The following DIAPH3 variants were observed in gnomAD, a reference collection of about 807,000 sequenced individuals.
DIAPH3 encodes protein diaphanous homolog 3.
A neutral mutation model predicts 144.3 loss-of-function variants in DIAPH3; 117 were observed. That is an observed-to-expected ratio of 0.81 (90% CI 0.70 to 0.95). The LOEUF (loss-of-function observed/expected upper bound fraction) is 0.95. Among genes scored for constraint, DIAPH3 ranks in the 40% least tolerant of loss-of-function variants. The pLI, the probability that DIAPH3 is intolerant of heterozygous loss-of-function variation, is 0.00. For synonymous variants in DIAPH3, 519 were observed against 488.9 expected (o/e 1.06, Z -0.81); for missense variants, 1,421 against 1,412.7 (o/e 1.01, Z -0.09).
intron 25 of DIAPH3, among the ~76,000 whole-genome samples, chr13:59,775,774 C>T (rs2038382635): frequency 6.6e-6 from 1 of 152,050 alleles, no homozygotes; most frequent in African/African-American, 2.4e-5. Flanking sequence ...AAAAGAGGCT[C>T]TCTGAAATCA....
intron 2 of DIAPH3, among the ~76,000 whole-genome samples, chr13:60,130,413 A>C (rs1408703321): frequency 2.0e-5 from 3 of 152,198 alleles, no homozygotes; most frequent in African/African-American, 7.2e-5. Flanking sequence ...AGTCCATGTG[A>C]AGAGGGTCAA....
chr13:59,949,415 T>C (rs1001602101), intron 17 of DIAPH3, among the ~76,000 whole-genome samples: 7 of 152,200 alleles, frequency 4.6e-5, no homozygotes, highest in Non-Finnish European at 7.3e-5. Context: ...GTCCTACTTG[T>C]GATTGGTGCT....
intron 5 of DIAPH3, among the ~76,000 whole-genome samples, chr13:60,029,252 T>C (rs2054610849): frequency 6.6e-6 from 1 of 152,048 alleles, no homozygotes; most frequent in Non-Finnish European, 1.5e-5. Context: ...ACCTCCAATT[T>C]ATCTGCAACA....
At chr13:59,877,030 C>T (rs2044674607) in intron 21 of DIAPH3, among the ~76,000 whole-genome samples, 1 of 152,116 alleles carries the variant, frequency 6.6e-6, no homozygotes, top group Non-Finnish European at 1.5e-5. Context: ...CTACCTCAAA[C>T]CCTTCTGCCG....
chr13:60,008,661 T>C lies in DIAPH3; in HGVS notation c.909-12A>G. On this transcript the variant is annotated splice_polypyrimidine_tract_variant and intron_variant, in intron 8 of 27. Transcript: ENST00000400324. ...AAACTTCTTCAAGGCTATTGGAAAA[T>C]TTGAGTCAATTAAATTGCAAGTAGC... is the stretch of plus-strand genomic sequence containing the variant. 2 of 1,559,046 alleles carry C rather than the reference T, an allele frequency of 1.3e-6. No homozygotes were observed. Among genetic ancestry groups the C allele is most frequent in the South Asian group, 1.1e-5 (1 of 89,856 alleles).
chr13:59,940,282 T>C (rs1470830107), intron 17 of DIAPH3, among the ~76,000 whole-genome samples: 1 of 152,184 alleles, frequency 6.6e-6, no homozygotes, highest in South Asian at 2.1e-4. Flanking sequence ...CAGAGAAGAA[T>C]TAACATCTTA....
chr13:59,910,581 T>C (rs796963566), intron 20 of DIAPH3, among the ~76,000 whole-genome samples: 82 of 151,524 alleles, frequency 5.4e-4, no homozygotes, highest in African/African-American at 1.9e-3. Flanking sequence ...TACAAAAAAA[T>C]AGCTGAGTGT....
At chr13:59,739,302 T>C (rs2036319213) in intron 27 of DIAPH3, among the ~76,000 whole-genome samples, 1 of 152,210 alleles carries the variant, frequency 6.6e-6, no homozygotes, top group South Asian at 2.1e-4. Flanking sequence ...ACTGAACTGT[T>C]GGAGGCTGCA....
intron 27 of DIAPH3, among the ~76,000 whole-genome samples, chr13:59,763,292 ATATGTATATACATGTGTATATATG>A (rs1357685051): frequency 1.5e-5 from 2 of 130,726 alleles, no homozygotes; most frequent in Non-Finnish European, 3.3e-5. Context: ...ATATTCACAT[ATATGTATATACATGTGTATATATG>A]TATATACATA....
chr13:59,848,358 C>T (rs546568291), intron 22 of DIAPH3, among the ~76,000 whole-genome samples: 8 of 141,678 alleles, frequency 5.6e-5, no homozygotes, highest in African/African-American at 2.1e-4. Flanking sequence ...GGTACATGTG[C>T]ACATTGTGCA....
At chr13:60,065,253 T>TAAAAAAAA (rs11344639) in intron 4 of DIAPH3, among the ~76,000 whole-genome samples, 4 of 88,308 alleles carry the variant, frequency 4.5e-5, no homozygotes, top group Non-Finnish European at 6.9e-5. Context: ...TTTAATTTAT[T>TAAAAAAAA]AAAAAAAAAA....
At chr13:60,008,696 T>C in intron 8 of DIAPH3, 47 bp from the exon 9 acceptor site, 1 of 1,172,898 alleles carries the variant, frequency 8.5e-7, no homozygotes, top group African/African-American at 1.5e-5. Context: ...CAAACACAAA[T>C]GCCATAATAC....
intron 5 of DIAPH3, among the ~76,000 whole-genome samples, chr13:60,024,933 G>A (rs2054278103): frequency 6.6e-6 from 1 of 152,092 alleles, no homozygotes; most frequent in African/African-American, 2.4e-5. Flanking sequence ...CCATGGAAGG[G>A]GGATGTGGAC....
At chr13:60,038,802 G>C (rs144735834) in intron 5 of DIAPH3, among the ~76,000 whole-genome samples, 1 of 151,936 alleles carries the variant, frequency 6.6e-6, no homozygotes, top group African/African-American at 2.4e-5. Flanking sequence ...TGACAGGCAC[G>C]TCAAATTAAG....
intron 27 of DIAPH3, among the ~76,000 whole-genome samples, chr13:59,672,280 C>T (rs1024107672): frequency 2.6e-5 from 4 of 152,164 alleles, no homozygotes; most frequent in African/African-American, 9.7e-5. Flanking sequence ...TTCTAATGGG[C>T]ACTGGCTTCT....
chr13:59,699,006 A>G (rs2033959277), intron 27 of DIAPH3, among the ~76,000 whole-genome samples: 1 of 152,250 alleles, frequency 6.6e-6, no homozygotes, highest in Non-Finnish European at 1.5e-5. Context: ...TTCAACAGAT[A>G]CTGAACTTCT....
intron 24 of DIAPH3, among the ~76,000 whole-genome samples, chr13:59,813,530 G>A (rs888019491): frequency 6.6e-6 from 1 of 152,008 alleles, no homozygotes; most frequent in Non-Finnish European, 1.5e-5. Flanking sequence ...TGTATATTAA[G>A]AGGCAGCTAT....
intron 25 of DIAPH3, among the ~76,000 whole-genome samples, chr13:59,792,486 T>A (rs1305192269): frequency 6.6e-6 from 1 of 152,154 alleles, no homozygotes; most frequent in East Asian, 1.9e-4. Flanking sequence ...CAACACCAGG[T>A]CCTAAGAGTT....
intron 4 of DIAPH3, among the ~76,000 whole-genome samples, chr13:60,088,979 G>C (rs547051051): frequency 1.3e-5 from 2 of 152,148 alleles, no homozygotes; most frequent in African/African-American, 4.8e-5. Context: ...TATAAATCTT[G>C]TTCAGAATAG....
Sources: allele counts gnomAD v4.1 joint callset (sites outside exome capture counted in the v4.1 genomes callset), GRCh38; gene constraint gnomAD v4.1.1; transcripts MANE v1.5; gene names NCBI Gene and HGNC (gene_info 2026-07-23, HGNC 2026-07-21).